The following MTTP variants were observed in gnomAD, a reference collection of about 807,000 sequenced individuals.
MTTP encodes the protein microsomal triglyceride transfer protein large subunit.
Under a neutral mutation model 90.6 loss-of-function variants are expected in MTTP, and 49 were observed. The observed-to-expected ratio is 0.54, with a 90% CI of 0.43 to 0.69. The LOEUF is 0.69. Ranked by LOEUF, MTTP falls within the 30% of genes least tolerant of loss-of-function variation. MTTP has a pLI of 0.00. For synonymous variants in MTTP, 347 were observed against 384.2 expected (o/e 0.90, Z 1.13); for missense variants, 945 against 1,067.5 (o/e 0.89, Z 1.60).
chr4:99,619,442 G>A lies in MTTP; in HGVS notation c.2342+344G>A, dbSNP rs1419821847. 3.3e-5 allele frequency among the ~76,000 whole-genome samples: 5 copies of A among 151,760 alleles called. No individual in the cohort carries two copies. In the South Asian group the frequency reaches 1.0e-3, roughly 32 times the overall value. ...CTTTCCTCTTTTGTTGTCTTCAGTG[G>A]GGAAAAATAAAATAGATAATTTCAT... On this transcript the variant is annotated intron_variant, in intron 16 of 17. Coordinates refer to ENST00000265517, the MANE Select transcript of MTTP (RefSeq NM_001386140.1).
At chr4:99,571,741 G>C (rs1048242159), upstream of MTTP, among the ~76,000 whole-genome samples, 5 of 151,516 alleles carry the variant, frequency 3.3e-5, no homozygotes, top group African/African-American at 1.2e-4. Flanking sequence ...TTTTGCCTTG[G>C]AATAAAAAAA....
chr4:99,582,107 C>T lies in MTTP; in HGVS notation c.249+15C>T. On this transcript the variant is annotated intron_variant, in intron 2 of 17. Transcript: ENST00000265517. ...TCCAAATAACGGTGGGCATTTTCTA[C>T]CAGATAAATGCAAAGATTAGATATC... 6.2e-7 allele frequency: 1 copy of T among 1,613,204 alleles called. No homozygotes were observed.
Position 99,619,097 on chromosome 4 carries a change from A to C in MTTP, c.2341A>C (p.Arg781=). The part of the protein sequence containing the change: ...YRESKTRVKN[R]VTVVITTDIT... ...TGAGTCTAAAACCCGAGTGAAAAAT[A>C]GGTAAGTGTTTATGCATTATACATT... The change falls in exon 16 of 18, where the codon AGG becomes CGG. Residue 781 remains arginine (R), a splice_region_variant and synonymous_variant. Coordinates refer to ENST00000265517, the MANE Select transcript of MTTP (RefSeq NM_001386140.1). 6.2e-7 allele frequency: 1 copy of C among 1,613,002 alleles called. No individual in the cohort carries two copies. Among genetic ancestry groups the C allele is most frequent in the Non-Finnish European group, 8.5e-7 (1 of 1,179,074 alleles).
chr4:99,622,020 A>G (rs1210297683), intron 17 of MTTP, among the ~76,000 whole-genome samples: 1 of 152,200 alleles, frequency 6.6e-6, no homozygotes, highest in Non-Finnish European at 1.5e-5. Context: ...TATTTTACTG[A>G]CATTTCATGA....
At chr4:99,573,475 A>G (rs947691843), upstream of MTTP, among the ~76,000 whole-genome samples, 1 of 152,162 alleles carries the variant, frequency 6.6e-6, no homozygotes, top group Admixed American at 6.5e-5. Flanking sequence ...TCTCCAACCA[A>G]ACAATTTATT....
chr4:99,574,331 G>A (rs1800591), upstream of MTTP, among the ~76,000 whole-genome samples: 2 of 152,014 alleles, frequency 1.3e-5, no homozygotes, highest in Admixed American at 1.3e-4. Context: ...AGTGATTGGT[G>A]GTGGTATGAA....
intron 6 of MTTP, among the ~76,000 whole-genome samples, chr4:99,594,070 TCCCTGTCG>T (rs1725491487): frequency 6.6e-6 from 1 of 152,206 alleles, no homozygotes. Flanking sequence ...TATCTTTATT[TCCCTGTCG>T]CCTCTCAGCA....
rs2110220714 is a variant in MTTP at position 99,594,820 on chromosome 4, A to C, written c.846A>C (p.Ser282=). The part of the protein sequence containing the change: ...QAAAIIKAVD[S]KYTAIPIVGQ... Reference sequence around the variant, plus strand: ...CAGCCATAATCAAAGCAGTTGATTCAAAGTACACGGCCATTCCCATTGTGG... The same window carrying C: ...CAGCCATAATCAAAGCAGTTGATTCCAAGTACACGGCCATTCCCATTGTGG... Residue 282 remains serine (S), a synonymous_variant, in exon 7 of 18, where the codon TCA becomes TCC. Coordinates refer to ENST00000265517, the MANE Select transcript of MTTP (RefSeq NM_001386140.1). The C allele has an allele frequency of 6.2e-7, 1 of 1,614,082 alleles. No homozygotes were observed. The highest frequency in any genetic ancestry group is 8.5e-7 in the Non-Finnish European group (1 of 1,179,942).
At chr4:99,579,561 C>G (rs973535087) in intron 1 of MTTP, among the ~76,000 whole-genome samples, 6 of 152,128 alleles carry the variant, frequency 3.9e-5, no homozygotes, top group African/African-American at 1.4e-4. Context: ...AGGTTTTTCT[C>G]TCAGCATCTC....
At position 99,611,340 on chromosome 4, in the gene MTTP, C is replaced by T. The variant is rs148696330; in HGVS notation, c.1876C>T (p.Arg626Cys). ...AYTGYIERSP[R>C]SASTYSLDIL... ...TTATTGTGTGTCATCAGGTAGTCCCCGTTCGGCATCTACTTACAGCCTAGA... is the reference window on the plus strand; with the variant it reads ...TTATTGTGTGTCATCAGGTAGTCCCTGTTCGGCATCTACTTACAGCCTAGA... Residue 626 changes from arginine to cysteine, a missense_variant, in exon 14 of 18, where the codon CGT (arginine) becomes TGT (cysteine). By Grantham distance (180) the Arg-to-Cys change is radical (BLOSUM62 -3). Transcript: ENST00000265517. 50 of 1,613,910 alleles carry T rather than the reference C, an allele frequency of 3.1e-5. No homozygotes were observed. The highest frequency in any genetic ancestry group is 3.3e-5 in the South Asian group (3 of 91,080).
Position 99,619,096 on chromosome 4 carries a change from T to C in MTTP, c.2340T>C (p.Asn780=), listed in dbSNP as rs1578257346. ...WYRESKTRVK[N]RVTVVITTDI... is the part of the protein sequence containing the mutation. ...GTGAGTCTAAAACCCGAGTGAAAAA[T>C]AGGTAAGTGTTTATGCATTATACAT... The change falls in exon 16 of 18, where the codon AAT becomes AAC. Residue 780 remains asparagine, a splice_region_variant and synonymous_variant. Transcript: ENST00000265517. The C allele has an allele frequency of 1.2e-6, 2 of 1,612,884 alleles. No homozygotes were observed. Among genetic ancestry groups the C allele is most frequent in the South Asian group, 2.2e-5 (2 of 91,052 alleles).
chr4:99,580,797 C>T (rs1167793420), intron 1 of MTTP, among the ~76,000 whole-genome samples: 1 of 152,010 alleles, frequency 6.6e-6, no homozygotes, highest in African/African-American at 2.4e-5. Context: ...TGGGCAAGTA[C>T]GTGCTGTCAT....
chr4:99,601,154 T>C (rs1725686219), intron 9 of MTTP, among the ~76,000 whole-genome samples: 1 of 152,172 alleles, frequency 6.6e-6, no homozygotes, highest in Admixed American at 6.6e-5. Context: ...AAACAAAAGC[T>C]AGACTTCTCT....
At chr4:99,591,433 T>C in intron 5 of MTTP, 82 bp downstream of exon 5, 1 of 1,251,474 alleles carries the variant, frequency 8.0e-7, no homozygotes, top group Admixed American at 1.8e-5. Flanking sequence ...AAAAATAAAG[T>C]AGAAATAGAA....
intron 17 of MTTP, 30 bp downstream of exon 17, chr4:99,621,261 G>A (rs547404055): frequency 1.2e-6 from 2 of 1,611,794 alleles, no homozygotes; most frequent in Non-Finnish European, 1.7e-6. Flanking sequence ...TCATGTTCCA[G>A]GACCATCCCC....
intron 3 of MTTP, among the ~76,000 whole-genome samples, chr4:99,585,226 A>C (rs1241707012): frequency 6.6e-6 from 1 of 152,154 alleles, no homozygotes; most frequent in Non-Finnish European, 1.5e-5. Context: ...TGCTGACTAA[A>C]GGCATTACAC....
At chr4:99,587,420 G>A (rs1725284050) in intron 3 of MTTP, among the ~76,000 whole-genome samples, 1 of 152,238 alleles carries the variant, frequency 6.6e-6, no homozygotes, top group Non-Finnish European at 1.5e-5. Flanking sequence ...AGCCTGCCAG[G>A]AGGGAAAAAA....
chr4:99,581,934 G>A lies in MTTP; in HGVS notation c.91G>A (p.Asp31Asn), dbSNP rs1190372517. 5 of 1,613,974 alleles carry A rather than the reference G, an allele frequency of 3.1e-6. No individual in the cohort carries two copies. In the African/African-American group the frequency reaches 6.7e-5, roughly 22 times the overall value. ...GHTTGLSLNN[D>N]RLYKLTYSTE... ...CACAACTGGTCTCTCATTAAATAAT[G>A]ACCGGCTGTACAAGCTCACGTACTC... Residue 31 changes from aspartate (D) to asparagine (N), a missense_variant, in exon 2 of 18, where the codon GAC (aspartate) becomes AAC (asparagine). Transcript: ENST00000265517.
rs142556890 is a variant in MTTP at position 99,584,555 on chromosome 4, C to A, written c.393+1038C>A. 1.9e-4 allele frequency among the ~76,000 whole-genome samples: 28 copies of A among 150,492 alleles called. 1 individual carries two copies. In the East Asian group the frequency reaches 5.4e-3, roughly 29 times the overall value. On this transcript the variant is annotated intron_variant, in intron 3 of 17. Transcript: ENST00000265517. ...AAGAAGAAATCTTGTGTTTTCACCT[C>A]GCCTACAACCAAATATGAATCACTA...
Sources: allele counts gnomAD v4.1 joint callset (sites outside exome capture counted in the v4.1 genomes callset), GRCh38; gene constraint gnomAD v4.1.1; transcripts MANE v1.5; gene names NCBI Gene and HGNC (gene_info 2026-07-23, HGNC 2026-07-21).